Variants in LRBA observed in about 807,000 individuals in gnomAD.
LRBA encodes lipopolysaccharide-responsive and beige-like anchor protein.
A neutral mutation model predicts 330.0 loss-of-function variants in LRBA; 176 were observed. The ratio of observed to expected loss-of-function variants is 0.53; its 90% CI spans 0.47 to 0.60. The LOEUF is 0.60. Ranked by LOEUF, LRBA falls within the 20% of genes least tolerant of loss-of-function variation. The pLI, the probability that LRBA is intolerant of heterozygous loss-of-function variation, is 0.00. For missense variants in LRBA, 3,259 were observed against 3,444.8 expected (o/e 0.95, Z 1.35); for synonymous variants, 1,230 against 1,193.0 (o/e 1.03, Z -0.64).
chr4:150,669,287 T>C (rs1781841065), intron 37 of LRBA, among the ~76,000 whole-genome samples: 1 of 152,228 alleles, frequency 6.6e-6, no homozygotes, highest in South Asian at 2.1e-4. Context: ...TATAATCTTA[T>C]ATAACCACAC....
chr4:150,373,793 T>C (rs776022606), intron 47 of LRBA, among the ~76,000 whole-genome samples: 2 of 152,142 alleles, frequency 1.3e-5, no homozygotes, highest in Non-Finnish European at 2.9e-5. Context: ...CATTGCATAA[T>C]GTTTATATTT....
At chr4:150,668,883 T>C (rs900451170) in intron 37 of LRBA, among the ~76,000 whole-genome samples, 1 of 151,632 alleles carries the variant, frequency 6.6e-6, no homozygotes, top group Non-Finnish European at 1.5e-5. Flanking sequence ...TGTGAGAGTA[T>C]GTAAGTGGCT....
At chr4:150,445,480 T>G (rs1045069185) in intron 44 of LRBA, among the ~76,000 whole-genome samples, 1 of 150,468 alleles carries the variant, frequency 6.6e-6, no homozygotes, top group Non-Finnish European at 1.5e-5. Context: ...GTGTGCTTAT[T>G]GTTTAGCTTA....
rs541817070 is a variant in LRBA, at chr4:150,927,130, T to C, written c.549+1386A>G. Among the ~76,000 whole-genome samples, 11 of 149,754 alleles carry C rather than the reference T, an allele frequency of 7.3e-5. No homozygotes were observed. The South Asian group carries it at 2.3e-3, about 32-fold the overall frequency. On this transcript the variant is annotated intron_variant, in intron 4 of 56. Transcript: ENST00000651943. ...TGGCTCACACCTGTAATCTCAGCAC[T>C]CTGGGAGGCCAAGGCGGGCAGATCA...
At position 150,286,602 on chromosome 4, in the gene LRBA, G is replaced by A. The variant is rs1049835876; in HGVS notation, c.8018-568C>T. Reference sequence around the variant, plus strand: ...TTCTCTGTGGTTCATTCAAATAACCGAAAAAAAACCCAATATAAGAAACAC... The same window carrying A: ...TTCTCTGTGGTTCATTCAAATAACCAAAAAAAAACCCAATATAAGAAACAC... On this transcript the variant is annotated intron_variant, in intron 53 of 56. Transcript: ENST00000651943. Among the ~76,000 whole-genome samples, 10 of 129,356 alleles carry A rather than the reference G, an allele frequency of 7.7e-5. No homozygotes were observed. In the East Asian group the frequency reaches 9.1e-4, roughly 12 times the overall value. The allele number at this position is 129,356 out of a possible 152,430, so 84.9% of individuals were successfully genotyped here. A position where few individuals can be genotyped will look rare whatever the true frequency, so the allele number is the denominator to read the frequency against.
At chr4:150,556,242 C>A (rs1301662365) in intron 40 of LRBA, among the ~76,000 whole-genome samples, 1 of 152,126 alleles carries the variant, frequency 6.6e-6, no homozygotes, top group African/African-American at 2.4e-5. Context: ...TATTTTTATA[C>A]ATTTGTTCTA....
intron 9 of LRBA, among the ~76,000 whole-genome samples, chr4:150,912,619 C>A (rs1732138735): frequency 6.6e-6 from 1 of 152,190 alleles, no homozygotes; most frequent in African/African-American, 2.4e-5. Flanking sequence ...GCGCCCCCAC[C>A]ACCCGTGGTC....
At chr4:150,660,583 T>G (rs1442829451) in intron 37 of LRBA, among the ~76,000 whole-genome samples, 7 of 147,078 alleles carry the variant, frequency 4.8e-5, no homozygotes, top group Admixed American at 1.4e-4. Context: ...AACAGCTCAT[T>G]GAGAACGGGC....
chr4:150,421,464 CTTAA>C (rs1392135569), intron 46 of LRBA, among the ~76,000 whole-genome samples: 1 of 151,350 alleles, frequency 6.6e-6, no homozygotes, highest in Non-Finnish European at 1.5e-5. Context: ...AAGAACACCT[CTTAA>C]TTATTTGATT....
chr4:150,326,778 G>A (rs1733324882), intron 48 of LRBA, among the ~76,000 whole-genome samples: 1 of 152,182 alleles, frequency 6.6e-6, no homozygotes, highest in Admixed American at 6.5e-5. Flanking sequence ...TACATGCTGG[G>A]TGAGGGGAGA....
At chr4:150,977,491 A>C (rs1017405116) in intron 2 of LRBA, among the ~76,000 whole-genome samples, 45 of 152,162 alleles carry the variant, frequency 3.0e-4, no homozygotes, top group Admixed American at 1.2e-3. Context: ...GCAGAACCAG[A>C]AGCAACATCC....
intron 4 of LRBA, among the ~76,000 whole-genome samples, chr4:150,924,493 C>T (rs1733673291): frequency 6.6e-6 from 1 of 151,644 alleles, no homozygotes; most frequent in Non-Finnish European, 1.5e-5. Flanking sequence ...ACCTGGGTAA[C>T]AGAGCAAGAC....
chr4:150,660,878 G>C (rs1413464250), intron 37 of LRBA, among the ~76,000 whole-genome samples: 18 of 117,220 alleles, frequency 1.5e-4, no homozygotes, highest in Non-Finnish European at 2.6e-4. Context: ...CAGCATGCTC[G>C]TTAAGAGTCA....
intron 37 of LRBA, among the ~76,000 whole-genome samples, chr4:150,616,396 C>T (rs1215921446): frequency 6.6e-6 from 1 of 152,086 alleles, no homozygotes; most frequent in African/African-American, 2.4e-5. Flanking sequence ...AAGAGGAACA[C>T]CTGTTTACTC....
chr4:150,268,541 G>A (rs574910565), intron 56 of LRBA, among the ~76,000 whole-genome samples: 1 of 152,306 alleles, frequency 6.6e-6, no homozygotes, highest in Non-Finnish European at 1.5e-5. Flanking sequence ...ATGGTAGTGG[G>A]AATGTACACC....
At chr4:150,918,873 T>G (rs1298335021) in intron 5 of LRBA, among the ~76,000 whole-genome samples, 2 of 152,196 alleles carry the variant, frequency 1.3e-5, no homozygotes, top group Non-Finnish European at 2.9e-5. Flanking sequence ...TGGAAGTTCA[T>G]CAAAATGTTA....
chr4:150,489,305 T>C (rs111216488), intron 41 of LRBA, among the ~76,000 whole-genome samples: 45,547 of 62,050 alleles, frequency 0.73, 18,594 homozygotes, highest in Non-Finnish European at 0.81. Context: ...TAATATATTA[T>C]ATATAAGAAT....
chr4:151,006,837 C>G (rs979842215), intron 2 of LRBA, among the ~76,000 whole-genome samples: 2 of 152,092 alleles, frequency 1.3e-5, no homozygotes, highest in Admixed American at 1.3e-4. Flanking sequence ...TAAAATTTCA[C>G]CAATTCACCC....
intron 37 of LRBA, among the ~76,000 whole-genome samples, chr4:150,670,367 A>G (rs943223382): frequency 6.6e-6 from 1 of 152,208 alleles, no homozygotes; most frequent in Non-Finnish European, 1.5e-5. Flanking sequence ...ATTACTGTCA[A>G]TATTATAATG....
Sources: allele counts gnomAD v4.1 joint callset (sites outside exome capture counted in the v4.1 genomes callset), GRCh38; gene constraint gnomAD v4.1.1; transcripts MANE v1.5; gene names NCBI Gene and HGNC (gene_info 2026-07-23, HGNC 2026-07-21).